Variants in C11orf42 observed in about 807,000 individuals in gnomAD.
C11orf42 encodes the protein chromosome 11 open reading frame 42, also known as uncharacterized protein C11orf42.
In C11orf42, 24 loss-of-function variants were observed where a neutral mutation model predicts 27.9. The observed-to-expected ratio is 0.86, with a 90% CI of 0.62 to 1.21. The LOEUF is 1.21. Ranked by LOEUF, C11orf42 falls within the 50% of genes most tolerant of loss-of-function variation. The pLI is 0.00. For missense variants in C11orf42, 455 were observed against 424.1 expected (o/e 1.07, Z -0.64); for synonymous variants, 187 against 180.8 (o/e 1.03, Z -0.28).
intron 1 of C11orf42, among the ~76,000 whole-genome samples, chr11:6,208,226 C>T (rs554812011): frequency 1.3e-5 from 2 of 151,994 alleles, no homozygotes; most frequent in Non-Finnish European, 2.9e-5. Flanking sequence ...CACACACACA[C>T]GATTAACTAA....
chr11:6,208,995 T>G (rs1847010038), intron 1 of C11orf42, among the ~76,000 whole-genome samples: 1 of 151,078 alleles, frequency 6.6e-6, no homozygotes, highest in Non-Finnish European at 1.5e-5. Context: ...GGCAACAGAG[T>G]GAAACCCCAT....
chr11:6,209,747 A>G, intron 1 of C11orf42, 103 bp from the exon 2 acceptor site: 1 of 1,174,892 alleles, frequency 8.5e-7, no homozygotes, highest in Non-Finnish European at 1.2e-6. Flanking sequence ...ATCTGAACAC[A>G]TTATAGAGAT....
rs776214019 is a variant in C11orf42 at position 6,211,005 on chromosome 11, T to A, written c.965T>A (p.Leu322Gln). ...PDGHSMSLPL[L>Q]QGLSSEFDSD... ...GGGCACTCCATGTCCCTGCCCCTGC[T>A]GCAGGGTCTATCCTCAGAGTTCGAC... The change falls in exon 3 of 3, where the codon CTG becomes CAG. Residue 322 changes from leucine to glutamine, a missense_variant. Leu to Gln is a moderately radical substitution (Grantham distance 113, BLOSUM62 -2). Transcript: ENST00000316375. 5.6e-6 allele frequency: 9 copies of A among 1,609,378 alleles called. No individual in the cohort carries two copies. In the South Asian group the frequency reaches 8.8e-5, roughly 16 times the overall value.
intron 1 of C11orf42, among the ~76,000 whole-genome samples, chr11:6,205,903 G>C (rs1846974233): frequency 1.3e-5 from 2 of 152,166 alleles, no homozygotes; most frequent in Non-Finnish European, 2.9e-5. Flanking sequence ...TCACTGAAAA[G>C]CAACGTATAG....
At chr11:6,207,447 C>A (rs1391499929) in intron 1 of C11orf42, among the ~76,000 whole-genome samples, 3 of 152,100 alleles carry the variant, frequency 2.0e-5, no homozygotes, top group Non-Finnish European at 4.4e-5. Flanking sequence ...AGAGACACTC[C>A]CATTTGTCTT....
chr11:6,206,966 G>A (rs1378769252), intron 1 of C11orf42, among the ~76,000 whole-genome samples: 1 of 152,172 alleles, frequency 6.6e-6, no homozygotes, highest in Non-Finnish European at 1.5e-5. Context: ...ACCACGGACA[G>A]TTTACTGAAC....
rs772484073 is a variant in C11orf42 at position 6,211,059 on chromosome 11, T to C, written c.*17T>C. On this transcript the variant is annotated 3_prime_UTR_variant, in exon 3 of 3. Transcript: ENST00000316375. ...GACGACTGAAGCTGAAGCAAAAGAT[T>C]CCGGGGGCAAAGCCCCCAAGATCTG... The C allele has an allele frequency of 6.2e-7, 1 of 1,608,532 alleles. No homozygotes were observed.
intron 1 of C11orf42, 67 bp downstream of exon 1, chr11:6,205,754 T>C (rs549728035): frequency 3.3e-5 from 43 of 1,319,488 alleles, no homozygotes; most frequent in Non-Finnish European, 4.1e-5. Flanking sequence ...CAGCAGCTTG[T>C]GAGTAGGAAG....
chr11:6,210,920 C>T lies in C11orf42; in HGVS notation c.880C>T (p.Leu294Phe). Residue 294 changes from leucine (L) to phenylalanine (F), a missense_variant, in exon 3 of 3, where the codon CTC becomes TTC. Transcript: ENST00000316375. The surrounding 1 kb of genome is among the most constrained non-coding windows in gnomAD (Gnocchi z 4.0). ...ATCCCCAACCCTGGCAGAGAACTGG[C>T]TCTTCAGCCCCCGCAGCCCTCCACC... ...RGPQILSENWLFSPRSPPPGA... is the reference protein window; with the variant it reads ...RGPQILSENWFFSPRSPPPGA... The T allele has an allele frequency of 6.2e-7, 1 of 1,606,404 alleles. No homozygotes were observed.
chr11:6,210,850 A>G lies in C11orf42; in HGVS notation c.872-62A>G. 6.6e-7 allele frequency: 1 copy of G among 1,509,350 alleles called. No homozygotes were observed. Among genetic ancestry groups the G allele is most frequent in the Non-Finnish European group, 8.8e-7 (1 of 1,130,630 alleles). 93.5% of individuals were successfully genotyped at this position (1,509,350 alleles called of 1,614,324 possible). A position where few individuals can be genotyped will look rare whatever the true frequency, so the allele number is the denominator to read the frequency against. The stretch of plus-strand genomic sequence containing the variant: ...TGGGATGGCACAGAGGACCAGAGGG[A>G]AAAGCTAGGGGGGGAAAAGACCAGC... On this transcript the variant is annotated intron_variant, in intron 2 of 2. Transcript: ENST00000316375. This position sits in a 1 kb window ranked among gnomAD's most constrained non-coding sequence, Gnocchi z 4.0.
chr11:6,210,782 CTG>C lies in C11orf42; in HGVS notation c.872-129_872-128del. On this transcript the variant is annotated intron_variant, in intron 2 of 2. Coordinates refer to ENST00000316375, the MANE Select transcript of C11orf42 (RefSeq NM_173525.3). The surrounding 1 kb of genome is among the most constrained non-coding windows in gnomAD (Gnocchi z 4.0). ...GGTGAAAGAGATGGAATGAGGGAGACTGGGGAGGGTGAGATGGAATGAGGAGG... is the reference window on the plus strand; with the variant it reads ...GGTGAAAGAGATGGAATGAGGGAGACGGGAGGGTGAGATGGAATGAGGAGG... 2 of 1,389,314 alleles carry C rather than the reference CTG, an allele frequency of 1.4e-6. No homozygotes were observed. The highest frequency in any genetic ancestry group is 1.4e-5 in the South Asian group (1 of 71,202). The allele number at this position is 1,389,314 out of a possible 1,614,324, so 86.1% of individuals were successfully genotyped here. A position where few individuals can be genotyped will look rare whatever the true frequency, so the allele number is the denominator to read the frequency against.
Position 6,210,094 on chromosome 11 carries a change from C to T in C11orf42, c.317C>T (p.Ala106Val), listed in dbSNP as rs1371867994. ...CTREYSPNGR[A>V]ERAYEETRML... ...CGGGAATACTCACCAAATGGCCGAG[C>T]AGAGAGAGCCTATGAAGAGACGCGA... The change falls in exon 2 of 3, where the codon GCA (alanine) becomes GTA (valine). Residue 106 changes from alanine (A) to valine (V), a missense_variant. Transcript: ENST00000316375. This position sits in a 1 kb window ranked among gnomAD's most constrained non-coding sequence, Gnocchi z 4.0. 1 of 1,614,234 alleles carries T rather than the reference C, an allele frequency of 6.2e-7. No homozygotes were observed.
In C11orf42 at chr11:6,210,679, A is replaced by T. The variant is rs372423297; in HGVS notation, c.871+31A>T. 6.2e-7 allele frequency: 1 copy of T among 1,602,000 alleles called. No homozygotes were observed. Among genetic ancestry groups the T allele is most frequent in the African/African-American group, 1.3e-5 (1 of 74,484 alleles). The stretch of plus-strand genomic sequence containing the variant: ...ACTAGGGGAAATGATGATGAGATGG[A>T]TGGGAGGGACAAAGTGAAGGAGGGA... On this transcript the variant is annotated intron_variant, in intron 2 of 2. Coordinates refer to ENST00000316375, the MANE Select transcript of C11orf42 (RefSeq NM_173525.3). The surrounding 1 kb of genome is among the most constrained non-coding windows in gnomAD (Gnocchi z 4.0).
At position 6,210,230 on chromosome 11, in the gene C11orf42, C is replaced by T. The variant is rs1015745912; in HGVS notation, c.453C>T (p.Pro151=). 3.7e-6 allele frequency: 6 copies of T among 1,614,136 alleles called. No individual in the cohort carries two copies. The highest frequency in any genetic ancestry group is 5.1e-6 in the Non-Finnish European group (6 of 1,180,056). Residue 151 remains proline, a synonymous_variant, in exon 2 of 3, where the codon CCC becomes CCT. Coordinates refer to ENST00000316375, the MANE Select transcript of C11orf42 (RefSeq NM_173525.3). This position sits in a 1 kb window ranked among gnomAD's most constrained non-coding sequence, Gnocchi z 4.0. ...PGQVSLQQTL[P]WLRSTHSIYV... The stretch of plus-strand genomic sequence containing the variant: ...AGGTGAGCCTACAGCAGACTCTTCC[C>T]TGGCTCCGAAGCACCCACAGCATCT...
At chr11:6,209,734 T>C (rs775989193) in intron 1 of C11orf42, 116 bp from the exon 2 acceptor site, 5 of 1,067,990 alleles carry the variant, frequency 4.7e-6, no homozygotes, top group Non-Finnish European at 6.8e-6. Flanking sequence ...GCAGAAAGCA[T>C]AAATCTGAAC....
At position 6,210,507 on chromosome 11, in the gene C11orf42, GAT is replaced by G; in HGVS notation, c.732_733del (p.Thr245AsnfsTer2). On this transcript the variant is annotated frameshift_variant, in exon 2 of 3. Transcript: ENST00000316375. LOFTEE classifies it high-confidence loss of function. This position sits in a 1 kb window ranked among gnomAD's most constrained non-coding sequence, Gnocchi z 4.0. Reference protein sequence around the residue: ...PPLAPTSAPADTTEAADVPPP... With the variant: ...PPLAPTSAPAXTTEAADVPPP... Reference sequence around the variant, plus strand: ...TCTGGCCCCCACATCAGCACCTGCTGATACAACTGAAGCTGCTGATGTGCCCC... The same window carrying G: ...TCTGGCCCCCACATCAGCACCTGCTGACAACTGAAGCTGCTGATGTGCCCC... The G allele has an allele frequency of 1.2e-6, 2 of 1,613,726 alleles. No individual in the cohort carries two copies.
chr11:6,210,818 AG>A lies in C11orf42; in HGVS notation c.872-90del. ...GAGATGGAATGAGGAGGCCCTAGGAAGGGGATTGGGATGGCACAGAGGACCA... is the reference window on the plus strand; with the variant it reads ...GAGATGGAATGAGGAGGCCCTAGGAAGGGATTGGGATGGCACAGAGGACCA... On this transcript the variant is annotated intron_variant, in intron 2 of 2. Coordinates refer to ENST00000316375, the MANE Select transcript of C11orf42 (RefSeq NM_173525.3). This position sits in a 1 kb window ranked among gnomAD's most constrained non-coding sequence, Gnocchi z 4.0. The A allele has an allele frequency of 6.9e-7, 1 of 1,450,676 alleles. No homozygotes were observed. Among genetic ancestry groups the A allele is most frequent in the Non-Finnish European group, 9.2e-7 (1 of 1,085,774 alleles). 89.9% of individuals were successfully genotyped at this position (1,450,676 alleles called of 1,614,324 possible). A position where few individuals can be genotyped will look rare whatever the true frequency, so the allele number is the denominator to read the frequency against.
At chr11:6,207,414 C>T (rs1192349222) in intron 1 of C11orf42, among the ~76,000 whole-genome samples, 1 of 152,220 alleles carries the variant, frequency 6.6e-6, no homozygotes, top group Non-Finnish European at 1.5e-5. Flanking sequence ...AAATGTCACA[C>T]TCCTATCAGA....
At chr11:6,206,263 C>T (rs938494379) in intron 1 of C11orf42, among the ~76,000 whole-genome samples, 2 of 152,172 alleles carry the variant, frequency 1.3e-5, no homozygotes, top group Non-Finnish European at 2.9e-5. Context: ...AGAACCAGGA[C>T]TTCCTATAGA....
Sources: gnomAD v4.1 joint callset for allele counts (sites outside exome capture counted in the v4.1 genomes callset) on GRCh38, gnomAD v4.1.1 for gene constraint, Gnocchi (gnomAD v3.1) non-coding constraint, MANE v1.5 for transcripts, NCBI Gene and HGNC (gene_info 2026-07-23, HGNC 2026-07-21) for gene names.